UGT1A8: variants seen among roughly 807,000 people sequenced by gnomAD.
UGT1A8 encodes UDP-glucuronosyltransferase 1A8.
Under a neutral mutation model 45.3 loss-of-function variants are expected in UGT1A8, and 39 were observed. The ratio of observed to expected loss-of-function variants is 0.86; its 90% CI spans 0.67 to 1.12. The LOEUF (loss-of-function observed/expected upper bound fraction) is 1.12, where lower values mean the gene tolerates loss of function less well. Ranked by LOEUF, UGT1A8 falls within the 50% of genes most tolerant of loss-of-function variation. The pLI is 0.00. For missense variants in UGT1A8, 719 were observed against 664.9 expected, an observed-to-expected ratio of 1.08 and a Z score of -0.90; for synonymous variants, 275 against 249.2, an observed-to-expected ratio of 1.10 and a Z score of -0.97.
intron 1 of UGT1A8, chr2:233,744,035 C>T (rs367793428): frequency 5.3e-5 from 42 of 799,694 alleles, no homozygotes; most frequent in Admixed American, 1.0e-4. Flanking sequence ...CCCCTTATGA[C>T]GCAGCCACAT....
At chr2:233,622,057 A>G (rs866207624) in intron 1 of UGT1A8, among the ~76,000 whole-genome samples, 1 of 152,226 alleles carries the variant, frequency 6.6e-6, no homozygotes, top group South Asian at 2.1e-4. Context: ...AAAGGACATG[A>G]ACTCATCCTT....
Position 233,720,841 on chromosome 2 carries a change from G to A in UGT1A8, c.856-46193G>A, listed in dbSNP as rs529446200. 1.9e-4 allele frequency among the ~76,000 whole-genome samples: 29 copies of A among 151,182 alleles called. 2 individuals carry two copies. Among genetic ancestry groups the A allele is most frequent in the Middle Eastern group, 6.9e-3 (2 of 290 alleles). ...CCACCTCAGTCTCCTGAGTAACTGG[G>A]ACTGCAGGCATGTGCCACTGCTCCT... On this transcript the variant is annotated intron_variant, in intron 1 of 4. Coordinates refer to ENST00000373450, the MANE Select transcript of UGT1A8 (RefSeq NM_019076.5).
chr2:233,648,354 A>T lies in UGT1A8; in HGVS notation c.855+29792A>T, dbSNP rs548808795. 32 of 422,530 alleles carry T rather than the reference A, an allele frequency of 7.6e-5. No homozygotes were observed. The East Asian group carries it at 1.5e-3, about 19-fold the overall frequency. The allele number at this position is 422,530 out of a possible 1,614,324, so 26.2% of individuals were successfully genotyped here. On this transcript the variant is annotated intron_variant, in intron 1 of 4. Coordinates refer to ENST00000373450, the MANE Select transcript of UGT1A8 (RefSeq NM_019076.5). Reference sequence around the variant, plus strand: ...TGGTCTTCGCCAGAGGAATACTTTGACATTACCTTGAAGAAGGTGCACAGT... The same window carrying T: ...TGGTCTTCGCCAGAGGAATACTTTGTCATTACCTTGAAGAAGGTGCACAGT...
At chr2:233,763,150 C>G (rs1298092077) in intron 1 of UGT1A8, among the ~76,000 whole-genome samples, 1 of 152,214 alleles carries the variant, frequency 6.6e-6, no homozygotes, top group Non-Finnish European at 1.5e-5. Context: ...CCATAAAAGT[C>G]TAAGTGGTGA....
At chr2:233,668,059 A>T (rs1575412627) in intron 1 of UGT1A8, among the ~76,000 whole-genome samples, 2 of 151,260 alleles carry the variant, frequency 1.3e-5, no homozygotes, top group African/African-American at 4.9e-5. Context: ...TACTGTGCAC[A>T]TTTTTTTTTA....
chr2:233,636,549 C>T (rs1322999911), intron 1 of UGT1A8: 16 of 1,613,936 alleles, frequency 9.9e-6, no homozygotes, highest in Middle Eastern at 1.6e-4. Context: ...GGACCAGCCC[C>T]GTTCCTTTAT....
At chr2:233,759,288 G>A (rs1441627679) in intron 1 of UGT1A8, among the ~76,000 whole-genome samples, 1 of 152,182 alleles carries the variant, frequency 6.6e-6, no homozygotes, top group African/African-American at 2.4e-5. Context: ...GGTTGATGAA[G>A]CTGAGCCCTG....
intron 1 of UGT1A8, chr2:233,760,942 C>T: frequency 6.2e-7 from 1 of 1,614,210 alleles, no homozygotes. Flanking sequence ...TGCCTTTTCA[C>T]AGAACTTTCT....
intron 1 of UGT1A8, chr2:233,719,195 T>C (rs538577466): frequency 1.4e-5 from 23 of 1,614,258 alleles, no homozygotes; most frequent in Admixed American, 1.2e-4. Context: ...TGGCCCTTCA[T>C]AGGTGTTGTG....
At chr2:233,721,199 C>A (rs1012504962) in intron 1 of UGT1A8, among the ~76,000 whole-genome samples, 1 of 152,106 alleles carries the variant, frequency 6.6e-6, no homozygotes, top group Non-Finnish European at 1.5e-5. Flanking sequence ...ATTTGTTCTA[C>A]TGGTTTTCTT....
intron 1 of UGT1A8, among the ~76,000 whole-genome samples, chr2:233,679,021 C>A (rs975466167): frequency 6.6e-6 from 1 of 152,166 alleles, no homozygotes; most frequent in Admixed American, 6.5e-5. Flanking sequence ...GTGGTGTAAT[C>A]CTTCTGGACT....
chr2:233,664,835 T>A (rs942846270), intron 1 of UGT1A8, among the ~76,000 whole-genome samples: 1 of 152,196 alleles, frequency 6.6e-6, no homozygotes, highest in Non-Finnish European at 1.5e-5. Context: ...ATTTGTCTCA[T>A]TTGGAATTTT....
intron 1 of UGT1A8, among the ~76,000 whole-genome samples, chr2:233,730,339 G>C (rs954764150): frequency 2.0e-5 from 3 of 152,178 alleles, no homozygotes; most frequent in Non-Finnish European, 4.4e-5. Flanking sequence ...GTTTGGAACT[G>C]ATCCATCCTG....
chr2:233,682,422 C>T, intron 1 of UGT1A8: 1 of 1,613,840 alleles, frequency 6.2e-7, no homozygotes, highest in Non-Finnish European at 8.5e-7. Context: ...AAATATTTCT[C>T]CCTCCCCTCT....
chr2:233,617,998 A>G lies in UGT1A8; in HGVS notation c.291A>G (p.Gln97=), dbSNP rs766399578. 2.5e-6 allele frequency: 4 copies of G among 1,614,228 alleles called. No individual in the cohort carries two copies. The South Asian group carries it at 4.4e-5, about 18-fold the overall frequency. ...AATTCATGGATTTCGCCGATGCTCA[A>G]TGGAAAGCACAAGTACGAAGTTTGT... ...DREFMDFADA[Q]WKAQVRSLFS... The change falls in exon 1 of 5, where the codon CAA becomes CAG. Residue 97 remains glutamine, a synonymous_variant. Coordinates refer to ENST00000373450, the MANE Select transcript of UGT1A8 (RefSeq NM_019076.5).
intron 1 of UGT1A8, chr2:233,690,638 C>T: frequency 7.8e-7 from 1 of 1,287,780 alleles, no homozygotes; most frequent in Admixed American, 2.3e-5. Context: ...TACCTGAGGA[C>T]ACCTTGACTC....
intron 1 of UGT1A8, among the ~76,000 whole-genome samples, chr2:233,719,880 G>A (rs28898611): frequency 2.0e-5 from 3 of 152,144 alleles, no homozygotes; most frequent in Non-Finnish European, 4.4e-5. Flanking sequence ...GAAGAGGCAC[G>A]GATGAGGGTC....
At chr2:233,690,531 T>C (rs1371905624) in intron 1 of UGT1A8, 2 of 1,289,774 alleles carry the variant, frequency 1.6e-6, no homozygotes, top group African/African-American at 1.5e-5. Flanking sequence ...ATCTACTTCT[T>C]TCACCCCACT....
chr2:233,637,627 T>C (rs1449352967), intron 1 of UGT1A8, among the ~76,000 whole-genome samples: 1 of 152,190 alleles, frequency 6.6e-6, no homozygotes, highest in Non-Finnish European at 1.5e-5. Context: ...AATACGATGT[T>C]TAGAAAAGTA....
Sources: allele counts gnomAD v4.1 joint callset (sites outside exome capture counted in the v4.1 genomes callset), GRCh38; gene constraint gnomAD v4.1.1; transcripts MANE v1.5; gene names NCBI Gene and HGNC (gene_info 2026-07-23, HGNC 2026-07-21).